Variants in SNX7 observed in about 807,000 individuals in gnomAD.
SNX7 encodes the protein sorting nexin 7.
A neutral mutation model predicts 48.4 loss-of-function variants in SNX7; 35 were observed. The ratio of observed to expected loss-of-function variants is 0.72; its 90% CI spans 0.55 to 0.96. The LOEUF (loss-of-function observed/expected upper bound fraction) is 0.96. SNX7 is among the 40% of genes least tolerant of loss of function. The pLI, the probability that SNX7 is intolerant of heterozygous loss-of-function variation, is 0.00. For missense variants in SNX7, 553 were observed against 548.9 expected (o/e 1.01, Z -0.07); for synonymous variants, 190 against 190.2 (o/e 1.00, Z 0.01).
intron 8 of SNX7, among the ~76,000 whole-genome samples, chr1:98,756,422 GTTTTTTTTTTTT>G (rs35117249): frequency 1.8e-5 from 1 of 54,686 alleles, no homozygotes; most frequent in Non-Finnish European, 3.2e-5. Context: ...TGCCAGATGA[GTTTTTTTTTTTT>G]TTTTTTTTTT....
chr1:98,673,753 T>C (rs995680205), intron 1 of SNX7, among the ~76,000 whole-genome samples: 1 of 152,216 alleles, frequency 6.6e-6, no homozygotes, highest in Admixed American at 6.5e-5. Context: ...ATGCTTATCA[T>C]CCCTATACCA....
chr1:98,736,919 GC>G (rs921466945), intron 7 of SNX7, among the ~76,000 whole-genome samples: 2 of 151,944 alleles, frequency 1.3e-5, no homozygotes, highest in African/African-American at 4.8e-5. Flanking sequence ...AACATATAAG[GC>G]CCCTTTTAAA....
At chr1:98,699,281 T>G (rs1180583219) in intron 6 of SNX7, among the ~76,000 whole-genome samples, 1 of 152,200 alleles carries the variant, frequency 6.6e-6, no homozygotes, top group Non-Finnish European at 1.5e-5. Flanking sequence ...ACATTTGATT[T>G]AGCAATATAT....
At chr1:98,737,257 T>C (rs764994189) in intron 7 of SNX7, among the ~76,000 whole-genome samples, 7 of 152,094 alleles carry the variant, frequency 4.6e-5, no homozygotes, top group Non-Finnish European at 8.8e-5. Flanking sequence ...GTCATACTTA[T>C]TTAGGCTTTC....
intron 1 of SNX7, among the ~76,000 whole-genome samples, chr1:98,679,537 GCA>G (rs1361752637): frequency 6.6e-6 from 1 of 152,114 alleles, no homozygotes; most frequent in Non-Finnish European, 1.5e-5. Context: ...GTGAGACAAG[GCA>G]AGTCCCTTCC....
intron 7 of SNX7, among the ~76,000 whole-genome samples, chr1:98,707,560 ATAAAT>A (rs1183766712): frequency 4.6e-5 from 7 of 152,214 alleles, no homozygotes; most frequent in African/African-American, 1.7e-4. Flanking sequence ...TAACTGTAAA[ATAAAT>A]AAGGTTCATC....
intron 8 of SNX7, among the ~76,000 whole-genome samples, chr1:98,744,222 A>G (rs940286307): frequency 1.3e-5 from 2 of 152,070 alleles, no homozygotes; most frequent in African/African-American, 2.4e-5. Context: ...AGCTTAAAAA[A>G]TTAGATAAAA....
At chr1:98,682,999 A>G (rs572938253) in intron 1 of SNX7, among the ~76,000 whole-genome samples, 1 of 152,242 alleles carries the variant, frequency 6.6e-6, no homozygotes, top group Non-Finnish European at 1.5e-5. Flanking sequence ...TATTGCTATC[A>G]TATTTTAATT....
intron 8 of SNX7, among the ~76,000 whole-genome samples, chr1:98,741,501 A>C (rs72726153): frequency 1.3e-5 from 2 of 152,156 alleles, no homozygotes; most frequent in Non-Finnish European, 2.9e-5. Context: ...GTCTCAAATG[A>C]AACTTTTACT....
chr1:98,687,842 A>G (rs1395465601), intron 2 of SNX7, among the ~76,000 whole-genome samples: 5 of 152,142 alleles, frequency 3.3e-5, no homozygotes, highest in African/African-American at 1.2e-4. Flanking sequence ...TCTTACATGG[A>G]AGCAGGCAAG....
At chr1:98,710,686 T>C (rs778972171) in intron 7 of SNX7, among the ~76,000 whole-genome samples, 5 of 152,214 alleles carry the variant, frequency 3.3e-5, no homozygotes, top group Non-Finnish European at 7.3e-5. Context: ...ATAAGAAATA[T>C]GTCCTAAGGT....
chr1:98,748,637 A>AACACACACACACAC lies in SNX7; in HGVS notation c.1278+10271_1278+10284dup, dbSNP rs58973289. On this transcript the variant is annotated intron_variant, in intron 8 of 8. Transcript: ENST00000306121. ...GTATAGAAAAGGAAGAAATGATTTA[A>AACACACACACACAC]ACACACACACACACACACACACACA... is the stretch of plus-strand genomic sequence containing the variant. Among the ~76,000 whole-genome samples the AACACACACACACAC allele has an allele frequency of 2.0e-3, 291 of 145,882 alleles. 2 individuals carry two copies. The highest frequency in any genetic ancestry group is 0.014 in the East Asian group (66 of 4,848).
intron 4 of SNX7, among the ~76,000 whole-genome samples, chr1:98,695,021 A>C (rs983089957): frequency 3.9e-5 from 6 of 152,146 alleles, no homozygotes; most frequent in Non-Finnish European, 7.3e-5. Flanking sequence ...CGTGTATTAA[A>C]ATGTCAGTAT....
chr1:98,691,087 G>A lies in SNX7; in HGVS notation c.376G>A (p.Glu126Lys). 1.9e-6 allele frequency: 3 copies of A among 1,605,448 alleles called. No homozygotes were observed. The highest frequency in any genetic ancestry group is 2.6e-6 in the Non-Finnish European group (3 of 1,175,022). Residue 126 changes from glutamate to lysine, a missense_variant, in exon 3 of 9, where the codon GAA (glutamate) becomes AAA (lysine). Transcript: ENST00000306121. The part of the protein sequence containing the change: ...YRIITKTSRG[E>K]FDSSEFEVRR... ...TTACTTTCTTCAGACATCTCGTGGG[G>A]AATTTGACTCCAGTGAATTTGAAGT...
At chr1:98,667,925 A>C (rs151245109) in intron 1 of SNX7, among the ~76,000 whole-genome samples, 3,738 of 151,878 alleles carry the variant, frequency 0.025, 81 homozygotes, top group Non-Finnish European at 0.038. Context: ...AAAAACAAAA[A>C]AAACAAAACA....
chr1:98,750,811 A>G (rs750860125), intron 8 of SNX7, among the ~76,000 whole-genome samples: 80 of 152,248 alleles, frequency 5.3e-4, no homozygotes, highest in Non-Finnish European at 7.4e-4. Flanking sequence ...TATGAATCTT[A>G]TATTTGGAAA....
chr1:98,720,355 A>T (rs144605449), intron 7 of SNX7, among the ~76,000 whole-genome samples: 68 of 152,268 alleles, frequency 4.5e-4, no homozygotes, highest in African/African-American at 1.4e-3. Context: ...TAAAACTACC[A>T]TTAATTGAAT....
At chr1:98,737,597 G>A (rs1220775027) in intron 7 of SNX7, among the ~76,000 whole-genome samples, 1 of 152,144 alleles carries the variant, frequency 6.6e-6, no homozygotes, top group Non-Finnish European at 1.5e-5. Context: ...TGGATTACAT[G>A]CTCAAAAGTT....
chr1:98,728,939 G>A (rs1653341162), intron 7 of SNX7, among the ~76,000 whole-genome samples: 1 of 152,180 alleles, frequency 6.6e-6, no homozygotes, highest in East Asian at 1.9e-4. Flanking sequence ...TAGGGATCAA[G>A]TGGACCTGAT....
Sources: allele counts gnomAD v4.1 joint callset (sites outside exome capture counted in the v4.1 genomes callset), GRCh38; gene constraint gnomAD v4.1.1; transcripts MANE v1.5; gene names NCBI Gene and HGNC (gene_info 2026-07-23, HGNC 2026-07-21).